Variants in PCDHB11 observed in about 807,000 individuals in gnomAD.
PCDHB11 encodes the protein protocadherin beta 11, also known as protocadherin beta-11.
For missense variants in PCDHB11, 1,151 were observed against 1,003.4 expected, an observed-to-expected ratio of 1.15 and a Z score of -1.99; for synonymous variants, 522 against 442.0, an observed-to-expected ratio of 1.18 and a Z score of -2.27.
rs1754146896 is a variant in PCDHB11 at position 141,200,471 on chromosome 5, G to T, written c.697G>T (p.Val233Leu). The T allele has an allele frequency of 6.2e-7, 1 of 1,614,168 alleles. No individual in the cohort carries two copies. Among genetic ancestry groups the T allele is most frequent in the Non-Finnish European group, 8.5e-7 (1 of 1,180,044 alleles). Residue 233 changes from valine (V) to leucine (L), a missense_variant, in exon 1 of 1, where the codon GTG becomes TTG. Coordinates refer to ENST00000354757, the MANE Select transcript of PCDHB11 (RefSeq NM_018931.3). Reference protein sequence around the residue: ...SGTALVRVVVVDINDNSPEFE... With the variant: ...SGTALVRVVVLDINDNSPEFE... ...AACTGCCTTGGTCAGGGTGGTGGTT[G>T]TGGACATTAATGACAACTCCCCTGA...
chr5:141,202,026 A>G lies in PCDHB11; in HGVS notation c.2252A>G (p.Tyr751Cys), dbSNP rs782512238. 8 of 1,614,174 alleles carry G rather than the reference A, an allele frequency of 5.0e-6. No individual in the cohort carries two copies. The highest frequency in any genetic ancestry group is 1.1e-5 in the South Asian group (1 of 91,084). The change falls in exon 1 of 1, where the codon TAC becomes TGC. Residue 751 changes from tyrosine (Y) to cysteine (C), a missense_variant. Transcript: ENST00000354757. The stretch of plus-strand genomic sequence containing the variant: ...GGGACCCTTTCCCAGAGCTACCAGT[A>G]CGAGGTGTGTCTGACGGGAGGTTCC... ...GTGTLSQSYQYEVCLTGGSET... is the reference protein window; with the variant it reads ...GTGTLSQSYQCEVCLTGGSET...
chr5:141,199,964 G>A lies in PCDHB11; in HGVS notation c.190G>A (p.Ala64Thr), dbSNP rs149277755. 4.3e-5 allele frequency: 70 copies of A among 1,614,180 alleles called. No individual in the cohort carries two copies. In the African/African-American group the frequency reaches 5.3e-4, roughly 12 times the overall value. ...GGTGAGAGAACTGTCCTCACGGGGG[G>A]CTCGGGTGGTCTCTAATGATAAGAA... Reference protein sequence around the residue: ...LKVRELSSRGARVVSNDKKQR... With the variant: ...LKVRELSSRGTRVVSNDKKQR... The change falls in exon 1 of 1, where the codon GCT becomes ACT. Residue 64 changes from alanine (A) to threonine (T), a missense_variant. Ala to Thr is a moderately conservative substitution (Grantham distance 58, BLOSUM62 0). Coordinates refer to ENST00000354757, the MANE Select transcript of PCDHB11 (RefSeq NM_018931.3).
At position 141,200,891 on chromosome 5, in the gene PCDHB11, A is replaced by G. The variant is rs782445172; in HGVS notation, c.1117A>G (p.Ile373Val). ...TVVMVFSIQD[I>V]DSGDNGRIVC... ...GGTTATGGTTTTTAGTATCCAAGAT[A>G]TAGACTCTGGGGACAACGGAAGAAT... The change falls in exon 1 of 1, where the codon ATA becomes GTA. Residue 373 changes from isoleucine to valine, a missense_variant. Transcript: ENST00000354757. 1.2e-6 allele frequency: 2 copies of G among 1,614,106 alleles called. No homozygotes were observed. Among genetic ancestry groups the G allele is most frequent in the Non-Finnish European group, 1.7e-6 (2 of 1,180,038 alleles).
chr5:141,201,735 C>G lies in PCDHB11; in HGVS notation c.1961C>G (p.Ala654Gly). The stretch of plus-strand genomic sequence containing the variant: ...GACAATGGCGAGCCTCCGCGCTCGG[C>G]CACCGCCACGCTGCAAGTGCTCCTG... ...VKDNGEPPRSATATLQVLLVD... is the reference protein window; with the variant it reads ...VKDNGEPPRSGTATLQVLLVD... The change falls in exon 1 of 1, where the codon GCC (alanine) becomes GGC (glycine). Residue 654 changes from alanine (A) to glycine (G), a missense_variant. Transcript: ENST00000354757. 5 of 1,607,830 alleles carry G rather than the reference C, an allele frequency of 3.1e-6. No homozygotes were observed. Among genetic ancestry groups the G allele is most frequent in the Non-Finnish European group, 4.2e-6 (5 of 1,179,698 alleles).
In PCDHB11 at chr5:141,201,095, G is replaced by A; in HGVS notation, c.1321G>A (p.Val441Ile). 2 of 1,614,130 alleles carry A rather than the reference G, an allele frequency of 1.2e-6. No individual in the cohort carries two copies. Among genetic ancestry groups the A allele is most frequent in the Non-Finnish European group, 1.7e-6 (2 of 1,180,042 alleles). ...AACCGAGCACAACACAACTGTGTTGGTCTCTGACGTCAATGACAACGCCCC... is the reference window on the plus strand; with the variant it reads ...AACCGAGCACAACACAACTGTGTTGATCTCTGACGTCAATGACAACGCCCC... ...LKTEHNTTVL[V>I]SDVNDNAPTF... Residue 441 changes from valine to isoleucine, a missense_variant, in exon 1 of 1, where the codon GTC (valine) becomes ATC (isoleucine). Coordinates refer to ENST00000354757, the MANE Select transcript of PCDHB11 (RefSeq NM_018931.3).
Position 141,199,732 on chromosome 5 carries a change from C to A in PCDHB11, c.-43C>A. ...GTGGACAAGTCAGAGACGCGTTCCG[C>A]AGAGCTGAAGCCTTTCTTCAAGAAG... On this transcript the variant is annotated 5_prime_UTR_variant, in exon 1 of 1. Coordinates refer to ENST00000354757, the MANE Select transcript of PCDHB11 (RefSeq NM_018931.3). The A allele has an allele frequency of 6.4e-7, 1 of 1,559,508 alleles. No homozygotes were observed. The highest frequency in any genetic ancestry group is 8.8e-7 in the Non-Finnish European group (1 of 1,142,770).
At position 141,200,346 on chromosome 5, in the gene PCDHB11, A is replaced by G. The variant is rs1554285262; in HGVS notation, c.572A>G (p.Tyr191Cys). 6.2e-7 allele frequency: 1 copy of G among 1,614,130 alleles called. No homozygotes were observed. Among genetic ancestry groups the G allele is most frequent in the Non-Finnish European group, 8.5e-7 (1 of 1,180,016 alleles). ...KMRVIPDNRK[Y>C]PELVLDKALD... ...AGAGTCATTCCAGACAATAGGAAAT[A>G]CCCCGAGTTAGTTCTGGACAAGGCG... The change falls in exon 1 of 1, where the codon TAC (tyrosine) becomes TGC (cysteine). Residue 191 changes from tyrosine (Y) to cysteine (C), a missense_variant. By Grantham distance (194) the Tyr-to-Cys change is radical. Coordinates refer to ENST00000354757, the MANE Select transcript of PCDHB11 (RefSeq NM_018931.3).
Position 141,200,440 on chromosome 5 carries a change from G to A in PCDHB11, c.666G>A (p.Arg222=), listed in dbSNP as rs782173013. Residue 222 remains arginine (R), a synonymous_variant, in exon 1 of 1, where the codon AGG becomes AGA. Transcript: ENST00000354757. The part of the protein sequence containing the change: ...LSALDGGSPP[R]SGTALVRVVV... ...CTCTGGATGGTGGGTCCCCTCCCAG[G>A]TCTGGAACTGCCTTGGTCAGGGTGG... 10 of 1,614,108 alleles carry A rather than the reference G, an allele frequency of 6.2e-6. No individual in the cohort carries two copies. In the Admixed American group the frequency reaches 1.7e-4, roughly 27 times the overall value.
rs375694457 is a variant in PCDHB11 at position 141,202,009 on chromosome 5, T to C, written c.2235T>C (p.Leu745=). The change falls in exon 1 of 1, where the codon CTT becomes CTC. Residue 745 remains leucine (L), a synonymous_variant. Coordinates refer to ENST00000354757, the MANE Select transcript of PCDHB11 (RefSeq NM_018931.3). The part of the protein sequence containing the change: ...HLVDVSGTGT[L]SQSYQYEVCL... ...TGGACGTGAGCGGCACCGGGACCCT[T>C]TCCCAGAGCTACCAGTACGAGGTGT... The C allele has an allele frequency of 2.5e-6, 4 of 1,614,018 alleles. No homozygotes were observed. In the African/African-American group the frequency reaches 5.3e-5, roughly 22 times the overall value.
rs887365181 is a variant in PCDHB11, at chr5:141,199,691, G to A, written c.-84G>A. ...CCATTCAACAGGGTTAAAATCCTTA[G>A]ACCACAGAGGATTTGGTGGACAAGT... On this transcript the variant is annotated 5_prime_UTR_variant, in exon 1 of 1. Coordinates refer to ENST00000354757, the MANE Select transcript of PCDHB11 (RefSeq NM_018931.3). 15 of 1,232,670 alleles carry A rather than the reference G, an allele frequency of 1.2e-5. No individual in the cohort carries two copies. The African/African-American group carries it at 2.3e-4, about 19-fold the overall frequency. 76.4% of individuals were successfully genotyped at this position (1,232,670 alleles called of 1,614,324 possible).
rs1754155240 is a variant in PCDHB11 at position 141,200,710 on chromosome 5, T to G, written c.936T>G (p.Ile312Met). 1 of 1,614,086 alleles carries G rather than the reference T, an allele frequency of 6.2e-7. No individual in the cohort carries two copies. The highest frequency in any genetic ancestry group is 1.3e-5 in the African/African-American group (1 of 74,932). The change falls in exon 1 of 1, where the codon ATT (isoleucine) becomes ATG (methionine). Residue 312 changes from isoleucine (I) to methionine (M), a missense_variant. Transcript: ENST00000354757. ...TLRAPLDFET[I>M]ESYSIIIQAT... Reference sequence around the variant, plus strand: ...GAGCACCTCTGGATTTTGAAACGATTGAGTCATACTCAATAATCATTCAAG... The same window carrying G: ...GAGCACCTCTGGATTTTGAAACGATGGAGTCATACTCAATAATCATTCAAG...
Position 141,200,146 on chromosome 5 carries a change from G to A in PCDHB11, c.372G>A (p.Arg124=). ...TTTTACAAATTGAGCTTCAGGTCAGGGATATAAATGATCACTCTCCCATCT... is the reference window on the plus strand; with the variant it reads ...TTTTACAAATTGAGCTTCAGGTCAGAGATATAAATGATCACTCTCCCATCT... ...TQFLQIELQV[R]DINDHSPIFS... The change falls in exon 1 of 1, where the codon AGG becomes AGA. Residue 124 remains arginine, a synonymous_variant. Coordinates refer to ENST00000354757, the MANE Select transcript of PCDHB11 (RefSeq NM_018931.3). 2 of 1,614,086 alleles carry A rather than the reference G, an allele frequency of 1.2e-6. No individual in the cohort carries two copies. The highest frequency in any genetic ancestry group is 2.2e-5 in the South Asian group (2 of 91,074).
rs552004723 is a variant in PCDHB11 at position 141,199,976 on chromosome 5, T to A, written c.202T>A (p.Ser68Thr). The change falls in exon 1 of 1, where the codon TCT becomes ACT. Residue 68 changes from serine (S) to threonine (T), a missense_variant. Physicochemically the swap from Ser to Thr is moderately conservative, Grantham distance 58 (BLOSUM62 1). Transcript: ENST00000354757. ...GTCCTCACGGGGGGCTCGGGTGGTCTCTAATGATAAGAAACAGCGTTTGCA... is the reference window on the plus strand; with the variant it reads ...GTCCTCACGGGGGGCTCGGGTGGTCACTAATGATAAGAAACAGCGTTTGCA... ...ELSSRGARVV[S>T]NDKKQRLQLD... The A allele has an allele frequency of 1.9e-6, 3 of 1,614,130 alleles. No homozygotes were observed. Among genetic ancestry groups the A allele is most frequent in the Non-Finnish European group, 2.5e-6 (3 of 1,180,036 alleles).
In PCDHB11 at chr5:141,200,484, A is replaced by G; in HGVS notation, c.710A>G (p.Asp237Gly). The G allele has an allele frequency of 6.2e-7, 1 of 1,614,112 alleles. No homozygotes were observed. Among genetic ancestry groups the G allele is most frequent in the South Asian group, 1.1e-5 (1 of 91,072 alleles). The change falls in exon 1 of 1, where the codon GAC becomes GGC. Residue 237 changes from aspartate (D) to glycine (G), a missense_variant. Coordinates refer to ENST00000354757, the MANE Select transcript of PCDHB11 (RefSeq NM_018931.3). Reference protein sequence around the residue: ...LVRVVVVDINDNSPEFEQAFY... With the variant: ...LVRVVVVDINGNSPEFEQAFY... The stretch of plus-strand genomic sequence containing the variant: ...AGGGTGGTGGTTGTGGACATTAATG[A>G]CAACTCCCCTGAATTTGAGCAGGCT...
Position 141,200,089 on chromosome 5 carries a change from T to C in PCDHB11, c.315T>C (p.His105=). 1 of 1,614,160 alleles carries C rather than the reference T, an allele frequency of 6.2e-7. No individual in the cohort carries two copies. Among genetic ancestry groups the C allele is most frequent in the South Asian group, 1.1e-5 (1 of 91,074 alleles). ...GTTCCATCGAGCCTTGCGTGCTACA[T>C]TTGCAGGTGTTAATGCAAAACCCCA... is the stretch of plus-strand genomic sequence containing the variant. The part of the protein sequence containing the change: ...LCGSIEPCVL[H]LQVLMQNPTQ... The change falls in exon 1 of 1, where the codon CAT becomes CAC. Residue 105 remains histidine (H), a synonymous_variant. Transcript: ENST00000354757.
In PCDHB11 at chr5:141,201,283, G is replaced by T; in HGVS notation, c.1509G>T (p.Leu503=). 1.9e-6 allele frequency: 3 copies of T among 1,613,542 alleles called. No homozygotes were observed. Among genetic ancestry groups the T allele is most frequent in the Non-Finnish European group, 2.5e-6 (3 of 1,180,036 alleles). ...ACCTGCACCTGCCCCTCGCCTCCCT[G>T]GTCTCCATCAACACAGACAACGGCC... The part of the protein sequence containing the change: ...PQDLHLPLAS[L]VSINTDNGHL... Residue 503 remains leucine (L), a synonymous_variant, in exon 1 of 1, where the codon CTG becomes CTT. Coordinates refer to ENST00000354757, the MANE Select transcript of PCDHB11 (RefSeq NM_018931.3).
rs1396804760 is a variant in PCDHB11, at chr5:141,200,608, C to A, written c.834C>A (p.Cys278Ter). Residue 278 changes from cysteine (C) to a stop codon, truncating the protein, a stop_gained, in exon 1 of 1, where the codon TGC becomes TGA. Transcript: ENST00000354757. LOFTEE classifies it low-confidence loss of function (END_TRUNC). ...DLDSGTNGEI[C>*]YTFSHASEDI... ...ACTCTGGAACAAATGGTGAAATATG[C>A]TATACCTTTTCCCATGCCTCAGAAG... 6.2e-7 allele frequency: 1 copy of A among 1,614,194 alleles called. No individual in the cohort carries two copies. Among genetic ancestry groups the A allele is most frequent in the Non-Finnish European group, 8.5e-7 (1 of 1,180,026 alleles).
In PCDHB11 at chr5:141,201,400, C is replaced by G; in HGVS notation, c.1626C>G (p.Ser542Arg). ...GATDRGSPALSSEALVRVLVL... is the reference protein window; with the variant it reads ...GATDRGSPALRSEALVRVLVL... The stretch of plus-strand genomic sequence containing the variant: ...CAGACCGCGGCTCCCCGGCTTTGAG[C>G]AGCGAGGCGCTGGTGCGCGTGCTGG... The change falls in exon 1 of 1, where the codon AGC (serine) becomes AGG (arginine). Residue 542 changes from serine to arginine, a missense_variant. Physicochemically the swap from Ser to Arg is moderately radical, Grantham distance 110. Transcript: ENST00000354757. 6.2e-7 allele frequency: 1 copy of G among 1,612,140 alleles called. No individual in the cohort carries two copies. Among genetic ancestry groups the G allele is most frequent in the Non-Finnish European group, 8.5e-7 (1 of 1,179,776 alleles).
chr5:141,200,294 C>T lies in PCDHB11; in HGVS notation c.520C>T (p.Pro174Ser). ...TGCTGTAAAAAGCTACACAATAAGCCCCAACTCTCATTTTCACATTAAAAT... is the reference window on the plus strand; with the variant it reads ...TGCTGTAAAAAGCTACACAATAAGCTCCAACTCTCATTTTCACATTAAAAT... The part of the protein sequence containing the change: ...INAVKSYTIS[P>S]NSHFHIKMRV... Residue 174 changes from proline (P) to serine (S), a missense_variant, in exon 1 of 1, where the codon CCC becomes TCC. Pro to Ser is a moderately conservative substitution (Grantham distance 74). Coordinates refer to ENST00000354757, the MANE Select transcript of PCDHB11 (RefSeq NM_018931.3). 6.2e-7 allele frequency: 1 copy of T among 1,614,086 alleles called. No individual in the cohort carries two copies. The highest frequency in any genetic ancestry group is 1.3e-5 in the African/African-American group (1 of 74,986).
Sources: allele counts gnomAD v4.1 joint callset, GRCh38; gene constraint gnomAD v4.1.1; transcripts MANE v1.5; gene names NCBI Gene and HGNC (gene_info 2026-07-23, HGNC 2026-07-21).